Variants in BRD4 observed in about 807,000 individuals in gnomAD.
BRD4 encodes bromodomain-containing protein 4.
BRD4 carries 16 observed loss-of-function variants against 142.1 expected under a neutral mutation model. The ratio of observed to expected loss-of-function variants is 0.11; its 90% confidence interval spans 0.08 to 0.17. The LOEUF is 0.17. BRD4 is among the 10% of genes least tolerant of loss of function. The pLI is 1.00. For missense variants in BRD4, 1,424 were observed against 1,810.9 expected, an observed-to-expected ratio of 0.79 and a Z score of 3.88; for synonymous variants, 833 against 707.5, an observed-to-expected ratio of 1.18 and a Z score of -2.82.
chr19:15,290,773 G>A (rs1365484673), intron 1 of BRD4, among the ~76,000 whole-genome samples: 2 of 152,030 alleles, frequency 1.3e-5, no homozygotes, highest in Non-Finnish European at 2.9e-5. Flanking sequence ...CCATATGTAC[G>A]AAAACCTAAG....
At chr19:15,303,262 T>C (rs1384788052) in intron 1 of BRD4, among the ~76,000 whole-genome samples, 1 of 152,232 alleles carries the variant, frequency 6.6e-6, no homozygotes, top group Non-Finnish European at 1.5e-5. Flanking sequence ...ACAGTTAATC[T>C]TGAGAAATCC....
intron 7 of BRD4, among the ~76,000 whole-genome samples, chr19:15,261,071 G>A (rs147553793): frequency 6.2e-4 from 94 of 152,364 alleles, no homozygotes; most frequent in African/African-American, 2.2e-3. Flanking sequence ...TGAGCAGTGT[G>A]GGCAAAAGCT....
chr19:15,260,384 A>T (rs2047456148), intron 7 of BRD4, among the ~76,000 whole-genome samples: 1 of 152,210 alleles, frequency 6.6e-6, no homozygotes, highest in African/African-American at 2.4e-5. Context: ...TCCCTGATGG[A>T]GAATTTGCTC....
chr19:15,264,173 G>T, intron 6 of BRD4: 1 of 519,504 alleles, frequency 1.9e-6, no homozygotes, highest in Admixed American at 3.7e-5. Flanking sequence ...CTCAGACTAG[G>T]GGAAGGGGCA....
intron 11 of BRD4, among the ~76,000 whole-genome samples, chr19:15,245,909 A>G (rs772260520): frequency 1.4e-4 from 21 of 152,158 alleles, no homozygotes; most frequent in Non-Finnish European, 2.6e-4. Flanking sequence ...GGCTCCTTCC[A>G]CTTGGATCTG....
At chr19:15,281,784 G>A (rs141526961) in intron 1 of BRD4, among the ~76,000 whole-genome samples, 45 of 152,314 alleles carry the variant, frequency 3.0e-4, no homozygotes, top group African/African-American at 9.1e-4. Flanking sequence ...TTGGGAGGCC[G>A]AGGCGGGTGG....
rs201299592 is a variant in BRD4 at position 15,276,100 on chromosome 19, C to CTGCA, written c.-34-2971_-34-2968dup. Among the ~76,000 whole-genome samples, 29 of 152,344 alleles carry CTGCA rather than the reference C, an allele frequency of 1.9e-4. No homozygotes were observed. In the East Asian group the frequency reaches 5.2e-3, roughly 27 times the overall value. ...CACCCACTCTGGGCCTGTGCAGCAC[C>CTGCA]TGCACCTCAAGGGACCACACTGACC... On this transcript the variant is annotated intron_variant, in intron 1 of 19. Transcript: ENST00000679869.
intron 14 of BRD4, 120 bp downstream of exon 14, chr19:15,242,780 T>C: frequency 6.9e-7 from 1 of 1,458,338 alleles, no homozygotes; most frequent in Non-Finnish European, 9.2e-7. Flanking sequence ...CCCTCCAAGC[T>C]GAGGCTCAGC....
rs17707730 is a variant in BRD4 at position 15,255,394 on chromosome 19, G to T, written c.1950C>A (p.Asp650Glu). 1 of 1,614,024 alleles carries T rather than the reference G, an allele frequency of 6.2e-7. No homozygotes were observed. The highest frequency in any genetic ancestry group is 2.2e-5 in the East Asian group (1 of 44,852). ...GGGTCTCAAAGTCGATTTCAATCTC[G>T]TCGGGGTTGGAATTCTTCAGGGAGG... ...REPSLKNSNP[D>E]EIEIDFETLK... Residue 650 changes from aspartate to glutamate, a missense_variant, in exon 10 of 20, where the codon GAC becomes GAA. This residue lies in a region of BRD4 where 46 missense variants were observed against 110.4 expected (regional missense o/e 0.42). Transcript: ENST00000679869.
intron 14 of BRD4, 109 bp from the exon 15 acceptor site, chr19:15,240,131 C>T (rs2047227421): frequency 4.2e-6 from 6 of 1,438,314 alleles, no homozygotes; most frequent in Non-Finnish European, 4.6e-6. Context: ...GCATGTGCCG[C>T]CCAGGCCCTG....
chr19:15,316,520 G>C (rs1214518184), intron 1 of BRD4, among the ~76,000 whole-genome samples: 2 of 152,150 alleles, frequency 1.3e-5, no homozygotes. Flanking sequence ...GAACCTGGGA[G>C]ACGGAGGTTG....
chr19:15,306,921 G>A (rs984353880), intron 1 of BRD4, among the ~76,000 whole-genome samples: 3 of 152,146 alleles, frequency 2.0e-5, no homozygotes, highest in Admixed American at 6.5e-5. Context: ...AGCACACGCT[G>A]TTGGAAAAAT....
Position 15,236,142 on chromosome 19 carries a change from T to C in BRD4, c.*2235A>G, listed in dbSNP as rs1485293078. 5 of 152,208 alleles carry C rather than the reference T, an allele frequency of 3.3e-5. No individual in the cohort carries two copies. The highest frequency in any genetic ancestry group is 1.2e-4 in the African/African-American group (5 of 41,452). 9.4% of individuals were successfully genotyped at this position (152,208 alleles called of 1,614,324 possible). On this transcript the variant is annotated 3_prime_UTR_variant, in exon 20 of 20. Transcript: ENST00000679869. ...GCAGATCCAAAGACAATAAAGGACCTTTCAGGTCAAAAAGAGGGGATGTAG... is the reference window on the plus strand; with the variant it reads ...GCAGATCCAAAGACAATAAAGGACCCTTCAGGTCAAAAAGAGGGGATGTAG...
rs2047269021 is a variant in BRD4 at position 15,244,609 on chromosome 19, A to C, written c.2212-9T>G. ...TGGTGGTGATGATGGTGCTGCAGAC[A>C]GAGAGACAGACAGACAGACAGGCTG... On this transcript the variant is annotated splice_polypyrimidine_tract_variant and intron_variant, in intron 12 of 19. Coordinates refer to ENST00000679869, the MANE Select transcript of BRD4 (RefSeq NM_001379291.1). 3.7e-6 allele frequency: 6 copies of C among 1,612,984 alleles called. No homozygotes were observed. The highest frequency in any genetic ancestry group is 5.1e-6 in the Non-Finnish European group (6 of 1,179,828).
At chr19:15,259,367 T>C (rs1422951262) in intron 7 of BRD4, among the ~76,000 whole-genome samples, 1 of 152,216 alleles carries the variant, frequency 6.6e-6, no homozygotes, top group African/African-American at 2.4e-5. Flanking sequence ...GAGGATGTCC[T>C]TGTTCCTCCC....
chr19:15,262,174 C>G (rs545397758), intron 7 of BRD4, among the ~76,000 whole-genome samples: 1 of 152,246 alleles, frequency 6.6e-6, no homozygotes, highest in South Asian at 2.1e-4. Flanking sequence ...GGGAGGCAGG[C>G]AGGCAGTGGG....
intron 3 of BRD4, among the ~76,000 whole-genome samples, chr19:15,268,439 AC>A (rs2047555508): frequency 6.6e-6 from 1 of 152,034 alleles, no homozygotes; most frequent in African/African-American, 2.4e-5. Context: ...GCAGACCATC[AC>A]CCACAGAGCA....
intron 4 of BRD4, 40 bp downstream of exon 4, chr19:15,267,376 C>G (rs147203461): frequency 6.2e-7 from 1 of 1,606,784 alleles, no homozygotes; most frequent in Non-Finnish European, 8.5e-7. Flanking sequence ...GGACAAAGGT[C>G]GGGGAGAAAG....
At chr19:15,325,836 T>C (rs925559197) in intron 1 of BRD4, among the ~76,000 whole-genome samples, 11 of 151,308 alleles carry the variant, frequency 7.3e-5, no homozygotes, top group Non-Finnish European at 1.0e-4. Context: ...CCGTCTCTAC[T>C]AGAAATACAA....
Sources: gnomAD v4.1 joint callset for allele counts (sites outside exome capture counted in the v4.1 genomes callset) on GRCh38, gnomAD v4.1.1 for gene constraint, gnomAD v4.1.1 regional missense constraint, MANE v1.5 for transcripts, NCBI Gene and HGNC (gene_info 2026-07-23, HGNC 2026-07-21) for gene names.